Variants in ASIC2 observed in about 807,000 individuals in gnomAD.
ASIC2 encodes the protein acid-sensing ion channel 2.
A neutral mutation model predicts 57.3 loss-of-function variants in ASIC2; 25 were observed. The ratio of observed to expected loss-of-function variants is 0.44; its 90% CI spans 0.32 to 0.61. ASIC2 has a LOEUF of 0.61. Among genes scored for constraint, ASIC2 ranks in the 20% least tolerant of loss-of-function variants. The pLI, the probability that ASIC2 is intolerant of heterozygous loss-of-function variation, is 0.06. For synonymous variants in ASIC2, 319 were observed against 307.5 expected, an observed-to-expected ratio of 1.04 and a Z score of -0.39; for missense variants, 641 against 738.1, an observed-to-expected ratio of 0.87 and a Z score of 1.52.
chr17:33,727,756 T>C (rs1023789916), intron 1 of ASIC2, among the ~76,000 whole-genome samples: 1 of 152,208 alleles, frequency 6.6e-6, no homozygotes, highest in African/African-American at 2.4e-5. Flanking sequence ...ACTTCTTTTC[T>C]TCATAAATTA....
At chr17:33,485,124 C>A (rs537515885) in intron 1 of ASIC2, among the ~76,000 whole-genome samples, 2 of 152,264 alleles carry the variant, frequency 1.3e-5, no homozygotes, top group Non-Finnish European at 2.9e-5. Context: ...AACATAGTCA[C>A]ATGGGGCTAT....
Position 33,292,521 on chromosome 17 carries a change from C to G in ASIC2, c.-406G>C. ...CCTCGGGGGACCCTGAGCCGAGTCC[C>G]CCCTGCCCCGCCTAACCCCAGCTTT... is the stretch of plus-strand genomic sequence containing the variant. On this transcript the variant is annotated 5_prime_UTR_variant, in exon 1 of 10. Coordinates refer to ENST00000225823, the MANE Select transcript of ASIC2 (RefSeq NM_183377.2). 1.0e-6 allele frequency: 1 copy of G among 985,908 alleles called. No homozygotes were observed. Among genetic ancestry groups the G allele is most frequent in the Non-Finnish European group, 1.2e-6 (1 of 830,370 alleles). 61.1% of individuals were successfully genotyped at this position (985,908 alleles called of 1,614,324 possible).
chr17:33,794,487 G>C (rs1375448465), intron 1 of ASIC2: 2 of 152,232 alleles, frequency 1.3e-5, no homozygotes, highest in African/African-American at 4.8e-5. Flanking sequence ...ATGAATTGTG[G>C]GTCAGGGGTG....
At chr17:33,768,127 G>C (rs185975796) in intron 1 of ASIC2, among the ~76,000 whole-genome samples, 353 of 152,012 alleles carry the variant, frequency 2.3e-3, no homozygotes, top group African/African-American at 8.0e-3. Context: ...TCCTGCCTCA[G>C]CCTCCCCAGC....
chr17:33,817,232 G>C (rs1202407048), intron 1 of ASIC2, among the ~76,000 whole-genome samples: 1 of 152,236 alleles, frequency 6.6e-6, no homozygotes, highest in Non-Finnish European at 1.5e-5. Flanking sequence ...AGGCACTTGG[G>C]ATTTAAACAA....
chr17:33,292,242 G>A lies in ASIC2; in HGVS notation c.-127C>T. ...CGCAGCCCGCGCCAGGGAAGCGTGC[G>A]CCCGAAAGGAGCTCCGGTGGCGCGG... On this transcript the variant is annotated 5_prime_UTR_variant, in exon 1 of 10. Coordinates refer to ENST00000225823, the MANE Select transcript of ASIC2 (RefSeq NM_183377.2). The A allele has an allele frequency of 1.0e-6, 1 of 996,250 alleles. No homozygotes were observed. The highest frequency in any genetic ancestry group is 1.2e-6 in the Non-Finnish European group (1 of 838,958). The allele number at this position is 996,250 out of a possible 1,614,324, so 61.7% of individuals were successfully genotyped here. A position where few individuals can be genotyped will look rare whatever the true frequency, so the allele number is the denominator to read the frequency against.
chr17:34,015,832 T>C (rs1173050311), intron 1 of ASIC2, among the ~76,000 whole-genome samples: 1 of 152,342 alleles, frequency 6.6e-6, no homozygotes. Flanking sequence ...ATTTTACTAG[T>C]TGTGTGACCT....
At chr17:33,480,589 C>T (rs567429853) in intron 1 of ASIC2, among the ~76,000 whole-genome samples, 1 of 152,106 alleles carries the variant, frequency 6.6e-6, no homozygotes, top group Non-Finnish European at 1.5e-5. Context: ...ATCTCCAAGA[C>T]CAGGAGAGGA....
intron 1 of ASIC2, among the ~76,000 whole-genome samples, chr17:33,872,133 C>T (rs1914430274): frequency 6.6e-6 from 1 of 152,184 alleles, no homozygotes; most frequent in Non-Finnish European, 1.5e-5. Context: ...TCCCTCCCCT[C>T]AGCAGAGAGG....
intron 1 of ASIC2, among the ~76,000 whole-genome samples, chr17:33,347,382 A>G (rs1907989988): frequency 6.6e-6 from 1 of 152,172 alleles, no homozygotes; most frequent in South Asian, 2.1e-4. Context: ...AGTAGAGTAA[A>G]AGGTATGAAA....
intron 1 of ASIC2, among the ~76,000 whole-genome samples, chr17:33,797,255 T>C (rs984279285): frequency 6.6e-6 from 1 of 152,140 alleles, no homozygotes; most frequent in Non-Finnish European, 1.5e-5. Context: ...AAAGAGACAG[T>C]AGGAGTGGAC....
rs1906633047 is a variant in ASIC2, at chr17:33,643,148, C to CG, written c.555+512829_555+512830insC. On this transcript the variant is annotated intron_variant, in intron 1 of 9. Transcript: ENST00000359872. The stretch of plus-strand genomic sequence containing the variant: ...TTTTATCATTCTCACATGCTCATTT[C>CG]CCCCCCCCCACATTTGAACATCTCT... 2.0e-3 allele frequency among the ~76,000 whole-genome samples: 33 copies of CG among 16,774 alleles called. No homozygotes were observed. The South Asian group carries it at 0.023, about 11-fold the overall frequency. The allele number at this position is 16,774 out of a possible 152,430, so 11.0% of individuals were successfully genotyped here.
At chr17:33,627,796 C>T (rs1389984126) in intron 1 of ASIC2, among the ~76,000 whole-genome samples, 1 of 152,216 alleles carries the variant, frequency 6.6e-6, no homozygotes, top group Non-Finnish European at 1.5e-5. Flanking sequence ...GCTGTTCAGC[C>T]TCAGCCGCTG....
At chr17:33,435,839 C>T (rs1173614960) in intron 1 of ASIC2, among the ~76,000 whole-genome samples, 1 of 152,128 alleles carries the variant, frequency 6.6e-6, no homozygotes, top group African/African-American at 2.4e-5. Flanking sequence ...GTGGTCTGGC[C>T]AAAGTGGTCA....
intron 1 of ASIC2, among the ~76,000 whole-genome samples, chr17:34,008,823 G>A (rs925333717): frequency 1.3e-5 from 2 of 152,322 alleles, no homozygotes; most frequent in African/African-American, 2.4e-5. Context: ...TCCCAAGCAT[G>A]TACAGAGTTT....
At chr17:33,856,276 T>C (rs898014822) in intron 1 of ASIC2, among the ~76,000 whole-genome samples, 2 of 152,222 alleles carry the variant, frequency 1.3e-5, no homozygotes, top group African/African-American at 4.8e-5. Flanking sequence ...ATGAGGTCAT[T>C]GTGAGACTTT....
chr17:33,356,833 G>C (rs1858907392), intron 1 of ASIC2, among the ~76,000 whole-genome samples: 1 of 152,026 alleles, frequency 6.6e-6, no homozygotes, highest in South Asian at 2.1e-4. Flanking sequence ...GGATCCAAGG[G>C]GATGCTGGGG....
intron 1 of ASIC2, among the ~76,000 whole-genome samples, chr17:33,693,152 A>G (rs1908425988): frequency 6.6e-6 from 1 of 152,188 alleles, no homozygotes; most frequent in Non-Finnish European, 1.5e-5. Flanking sequence ...TAGGCTTGCT[A>G]TTCTGTCCCA....
Position 33,637,348 on chromosome 17 carries a change from G to A in ASIC2, c.555+518630C>T, listed in dbSNP as rs949511427. On this transcript the variant is annotated intron_variant, in intron 1 of 9. Transcript: ENST00000359872. ...CTCCAGCTCCTGCTCCGATTCCTCT[G>A]GTTACTCTGGGCACCTCCAAGCTCC... is the stretch of plus-strand genomic sequence containing the variant. Among the ~76,000 whole-genome samples, 3 of 151,880 alleles carry A rather than the reference G, an allele frequency of 2.0e-5. No homozygotes were observed. In the East Asian group the frequency reaches 5.8e-4, roughly 29 times the overall value.
Sources: allele counts gnomAD v4.1 joint callset (sites outside exome capture counted in the v4.1 genomes callset), GRCh38; gene constraint gnomAD v4.1.1; transcripts MANE v1.5; gene names NCBI Gene and HGNC (gene_info 2026-07-23, HGNC 2026-07-21).